The following ZRANB3 variants were observed in gnomAD, a reference collection of about 807,000 sequenced individuals.
ZRANB3 encodes zinc finger RANBP2-type containing 3.
ZRANB3 carries 125 observed loss-of-function variants against 133.8 expected under a neutral mutation model. The observed-to-expected ratio is 0.93, with a 90% CI of 0.81 to 1.08. The LOEUF (loss-of-function observed/expected upper bound fraction) is 1.08, where lower values mean the gene tolerates loss of function less well. Ranked by LOEUF, ZRANB3 falls within the 50% of genes least tolerant of loss-of-function variation. The probability of loss-of-function intolerance (pLI) is 0.00; values close to 1 mark genes in which losing one functional copy is unlikely to be tolerated. For synonymous variants in ZRANB3, 387 were observed against 432.7 expected (o/e 0.89, Z 1.31); for missense variants, 1,229 against 1,275.5 (o/e 0.96, Z 0.56).
chr2:135,387,187 A>G (rs1410542724), intron 3 of ZRANB3, among the ~76,000 whole-genome samples: 1 of 152,098 alleles, frequency 6.6e-6, no homozygotes, highest in Non-Finnish European at 1.5e-5. Flanking sequence ...ACACAGATGT[A>G]AAATTGCTCT....
intron 12 of ZRANB3, among the ~76,000 whole-genome samples, chr2:135,250,005 A>G (rs1226484844): frequency 6.6e-6 from 1 of 152,218 alleles, no homozygotes; most frequent in Non-Finnish European, 1.5e-5. Flanking sequence ...AGAAAAAGAC[A>G]GGAAAATGTG....
chr2:135,290,079 C>A (rs1218703560), intron 8 of ZRANB3, among the ~76,000 whole-genome samples: 1 of 152,140 alleles, frequency 6.6e-6, no homozygotes, highest in Non-Finnish European at 1.5e-5. Context: ...TAGGGTACAA[C>A]TGCAGAATGT....
chr2:135,208,822 G>T, intron 18 of ZRANB3, 46 bp downstream of exon 18: 1 of 1,458,602 alleles, frequency 6.9e-7, no homozygotes, highest in Non-Finnish European at 9.6e-7. Context: ...TAAATGTAAA[G>T]GAGTGGAATT....
rs1464281199 is a variant in ZRANB3, at chr2:135,200,150, T to C, written c.*192A>G. ...AAAAAGACCACAGAAATATTCAGTA[T>C]TGTATCTTAGTTTCTGTTAAGTACT... On this transcript the variant is annotated 3_prime_UTR_variant, in exon 21 of 21. Coordinates refer to ENST00000264159, the MANE Select transcript of ZRANB3 (RefSeq NM_032143.4). The C allele has an allele frequency of 3.0e-6, 2 of 656,804 alleles. No homozygotes were observed. The highest frequency in any genetic ancestry group is 5.5e-6 in the Non-Finnish European group (2 of 365,494). 40.7% of individuals were successfully genotyped at this position (656,804 alleles called of 1,614,324 possible).
intron 11 of ZRANB3, among the ~76,000 whole-genome samples, chr2:135,266,073 G>C (rs1041955129): frequency 6.6e-6 from 1 of 152,086 alleles, no homozygotes; most frequent in Non-Finnish European, 1.5e-5. Context: ...GCCGGGCGTG[G>C]TGGCAGGCGC....
At chr2:135,263,612 G>A (rs958682122) in intron 12 of ZRANB3, among the ~76,000 whole-genome samples, 1 of 152,088 alleles carries the variant, frequency 6.6e-6, no homozygotes, top group African/African-American at 2.4e-5. Context: ...GTTATATATT[G>A]TGTGCCAGAA....
intron 1 of ZRANB3, among the ~76,000 whole-genome samples, chr2:135,514,901 G>A (rs931291940): frequency 2.6e-5 from 4 of 151,926 alleles, no homozygotes; most frequent in Non-Finnish European, 5.9e-5. Context: ...AGATAATCAT[G>A]TGTTGTTATT....
intron 2 of ZRANB3, among the ~76,000 whole-genome samples, chr2:135,441,800 T>C (rs898022178): frequency 2.0e-5 from 3 of 152,038 alleles, no homozygotes; most frequent in Admixed American, 1.3e-4. Context: ...AAAAAAAACT[T>C]TTTAAAAGGC....
intron 1 of ZRANB3, among the ~76,000 whole-genome samples, chr2:135,507,061 A>G (rs16831751): frequency 0.088 from 13,361 of 152,318 alleles, 792 homozygotes; most frequent in South Asian, 0.24. Context: ...AGACAAGGCA[A>G]AAAACCTTTA....
At chr2:135,334,451 C>T (rs1573929065) in intron 6 of ZRANB3, among the ~76,000 whole-genome samples, 1 of 152,094 alleles carries the variant, frequency 6.6e-6, no homozygotes, top group African/African-American at 2.4e-5. Flanking sequence ...TCTCTGCCAT[C>T]CACTATATTA....
chr2:135,292,298 T>C (rs543841953), intron 8 of ZRANB3, among the ~76,000 whole-genome samples: 1 of 152,310 alleles, frequency 6.6e-6, no homozygotes, highest in South Asian at 2.1e-4. Flanking sequence ...CTAACTGGTG[T>C]GAGATGGTAT....
chr2:135,404,540 CAGG>C (rs907661670), intron 2 of ZRANB3, among the ~76,000 whole-genome samples: 3 of 152,140 alleles, frequency 2.0e-5, no homozygotes, highest in Non-Finnish European at 4.4e-5. Flanking sequence ...GGATATTATC[CAGG>C]AGAACTTCCC....
intron 2 of ZRANB3, among the ~76,000 whole-genome samples, chr2:135,403,311 G>A (rs138253303): frequency 0.01 from 1,540 of 152,282 alleles, 18 homozygotes; most frequent in Non-Finnish European, 0.012. Context: ...ATTATATCCC[G>A]CACCTGGCTC....
At chr2:135,409,135 A>T (rs545726063) in intron 2 of ZRANB3, among the ~76,000 whole-genome samples, 1 of 152,240 alleles carries the variant, frequency 6.6e-6, no homozygotes, top group East Asian at 1.9e-4. Context: ...AAGGAGGAGC[A>T]GACACATCAT....
chr2:135,421,055 G>T (rs1405067725), intron 2 of ZRANB3, among the ~76,000 whole-genome samples: 1 of 152,274 alleles, frequency 6.6e-6, no homozygotes, highest in East Asian at 1.9e-4. Context: ...ATTGTAAGTG[G>T]ATGATTAATG....
intron 6 of ZRANB3, among the ~76,000 whole-genome samples, chr2:135,337,020 C>G (rs1314017619): frequency 6.6e-6 from 1 of 152,012 alleles, no homozygotes; most frequent in African/African-American, 2.4e-5. Flanking sequence ...AACTCTGAAT[C>G]AAGATTGTTT....
At chr2:135,452,632 G>A (rs1647404405) in intron 2 of ZRANB3, among the ~76,000 whole-genome samples, 2 of 152,202 alleles carry the variant, frequency 1.3e-5, no homozygotes, top group African/African-American at 4.8e-5. Context: ...TAGGGCCCAT[G>A]CAAGTCTGAA....
chr2:135,349,992 G>A lies in ZRANB3; in HGVS notation c.583C>T (p.Pro195Ser), dbSNP rs764876251. The A allele has an allele frequency of 5.0e-6, 8 of 1,613,234 alleles. No homozygotes were observed. The highest frequency in any genetic ancestry group is 1.1e-5 in the South Asian group (1 of 91,056). Reference sequence around the variant, plus strand: ...TATAAGGATTGTAATACCTCTTCAGGCCTTCCTAAAGCTGGTGTTCCTGTA... The same window carrying A: ...TATAAGGATTGTAATACCTCTTCAGACCTTCCTAAAGCTGGTGTTCCTGTA... ...LLTGTPALGR[P>S]EELFMQIEAL... Residue 195 changes from proline to serine, a missense_variant, in exon 5 of 21, where the codon CCT becomes TCT. By Grantham distance (74) the Pro-to-Ser change is moderately conservative (BLOSUM62 -1). Transcript: ENST00000264159.
chr2:135,292,721 GT>G (rs1369365665), intron 8 of ZRANB3, among the ~76,000 whole-genome samples: 1 of 152,174 alleles, frequency 6.6e-6, no homozygotes, highest in African/African-American at 2.4e-5. Flanking sequence ...GGGTTTTATG[GT>G]TTTAGGTCTA....
Sources: allele counts gnomAD v4.1 joint callset (sites outside exome capture counted in the v4.1 genomes callset), GRCh38; gene constraint gnomAD v4.1.1; transcripts MANE v1.5; gene names NCBI Gene and HGNC (gene_info 2026-07-23, HGNC 2026-07-21).